The following SGPL1 variants were observed in gnomAD, a reference collection of about 807,000 sequenced individuals.
SGPL1 encodes sphingosine-1-phosphate lyase 1.
SGPL1 carries 37 observed loss-of-function variants against 68.9 expected under a neutral mutation model. That is an observed-to-expected ratio of 0.54 (90% CI 0.41 to 0.71). The LOEUF (loss-of-function observed/expected upper bound fraction) is 0.71, where lower values mean the gene tolerates loss of function less well. Among genes scored for constraint, SGPL1 ranks in the 30% least tolerant of loss-of-function variants. The pLI, the probability that SGPL1 is intolerant of heterozygous loss-of-function variation, is 0.00. For synonymous variants in SGPL1, 236 were observed against 248.5 expected (o/e 0.95, Z 0.47); for missense variants, 551 against 704.6 (o/e 0.78, Z 2.47).
intron 9 of SGPL1, 50 bp from the exon 10 acceptor site, chr10:70,870,998 G>T: frequency 6.7e-7 from 1 of 1,502,464 alleles, no homozygotes; most frequent in Non-Finnish European, 9.3e-7. Context: ...CAGAAGAGAA[G>T]AGTAATTGTG....
intron 9 of SGPL1, among the ~76,000 whole-genome samples, chr10:70,870,270 G>A (rs1422430970): frequency 6.6e-6 from 1 of 152,098 alleles, no homozygotes; most frequent in Non-Finnish European, 1.5e-5. Context: ...AGCCGAGGAG[G>A]GAGGATTACT....
At position 70,877,200 on chromosome 10, in the gene SGPL1, C is replaced by T. The variant is rs775790726; in HGVS notation, c.1572C>T (p.Ala524=). 1 of 1,614,136 alleles carries T rather than the reference C, an allele frequency of 6.2e-7. No homozygotes were observed. The highest frequency in any genetic ancestry group is 1.1e-5 in the South Asian group (1 of 91,058). ...CTCTTTCTTTGGATTTGTAGGGTGC[C>T]ATCTATGGCATGGCCCAGACAACTG... ...NPKAKTTGMG[A]IYGMAQTTVD... The change falls in exon 15 of 15, where the codon GCC becomes GCT. Residue 524 remains alanine, a synonymous_variant. Transcript: ENST00000373202.
At chr10:70,832,766 A>G (rs1038980911) in intron 2 of SGPL1, among the ~76,000 whole-genome samples, 2 of 152,162 alleles carry the variant, frequency 1.3e-5, no homozygotes, top group Middle Eastern at 3.4e-3. Flanking sequence ...AAATTTGCAT[A>G]TTTTTCCCCC....
At chr10:70,873,617 T>C (rs1053545332) in intron 12 of SGPL1, 28 bp downstream of exon 12, 2 of 1,541,774 alleles carry the variant, frequency 1.3e-6, no homozygotes, top group East Asian at 2.2e-5. Flanking sequence ...GGGTTCTGCC[T>C]TGTCTATTGC....
chr10:70,819,626 GC>G (rs1193496482), intron 2 of SGPL1, among the ~76,000 whole-genome samples: 45 of 139,214 alleles, frequency 3.2e-4, no homozygotes, highest in Non-Finnish European at 6.0e-4. Flanking sequence ...ATGGGATGCA[GC>G]TTTTTTTTTT....
chr10:70,828,103 T>C (rs1253956323), intron 2 of SGPL1, among the ~76,000 whole-genome samples: 1 of 152,232 alleles, frequency 6.6e-6, no homozygotes, highest in African/African-American at 2.4e-5. Flanking sequence ...TGAACATGTC[T>C]TGGTAAACAT....
At chr10:70,816,324 C>A (rs1303769743) in intron 1 of SGPL1, among the ~76,000 whole-genome samples, 198 bp downstream of exon 1, 6 of 104,862 alleles carry the variant, frequency 5.7e-5, no homozygotes, top group Non-Finnish European at 1.2e-4. Flanking sequence ...CGGGCGGGCG[C>A]GGGGCCGCGG....
At chr10:70,877,068 G>T in intron 14 of SGPL1, 127 bp from the exon 15 acceptor site, 1 of 828,308 alleles carries the variant, frequency 1.2e-6, no homozygotes, top group Non-Finnish European at 1.9e-6. Context: ...GGATGCCTTA[G>T]GTGGAAATGG....
At chr10:70,826,781 T>C (rs1845445428) in intron 2 of SGPL1, among the ~76,000 whole-genome samples, 1 of 152,196 alleles carries the variant, frequency 6.6e-6, no homozygotes, top group East Asian at 1.9e-4. Context: ...TGTAAATGGA[T>C]GCATATGTAT....
At chr10:70,847,644 A>G (rs537706149) in intron 3 of SGPL1, among the ~76,000 whole-genome samples, 1 of 152,320 alleles carries the variant, frequency 6.6e-6, no homozygotes, top group African/African-American at 2.4e-5. Context: ...AAAATCGTCA[A>G]ATGTTGACAA....
intron 4 of SGPL1, 25 bp downstream of exon 4, chr10:70,851,235 T>A: frequency 6.4e-7 from 1 of 1,557,008 alleles, no homozygotes; most frequent in Non-Finnish European, 8.9e-7. Context: ...TGTATGTCAT[T>A]TTTTCCCCTC....
intron 3 of SGPL1, among the ~76,000 whole-genome samples, chr10:70,850,305 G>A (rs1845858956): frequency 6.6e-6 from 1 of 152,164 alleles, no homozygotes; most frequent in Admixed American, 6.5e-5. Context: ...GTGAGCCACT[G>A]TGCCTGGCCA....
At chr10:70,869,243 C>T (rs1462174984) in intron 8 of SGPL1, 1 of 152,318 alleles carries the variant, frequency 6.6e-6, no homozygotes, top group East Asian at 1.9e-4. Flanking sequence ...ACCTCATTTT[C>T]TCTTTCAACA....
In SGPL1 at chr10:70,859,502, A is replaced by G. The variant is rs758808482; in HGVS notation, c.615+3A>G. The G allele has an allele frequency of 1.3e-6, 2 of 1,497,390 alleles. No individual in the cohort carries two copies. The highest frequency in any genetic ancestry group is 1.8e-6 in the Non-Finnish European group (2 of 1,117,842). The allele number at this position is 1,497,390 out of a possible 1,614,324, so 92.8% of individuals were successfully genotyped here. A position where few individuals can be genotyped will look rare whatever the true frequency, so the allele number is the denominator to read the frequency against. ...GGGGACCAGATTCGTGTGGATGTGTAAGTATATGCAAGGGGCATCCAATAG... is the reference window on the plus strand; with the variant it reads ...GGGGACCAGATTCGTGTGGATGTGTGAGTATATGCAAGGGGCATCCAATAG... On this transcript the variant is annotated splice_donor_region_variant and intron_variant, in intron 7 of 14. Coordinates refer to ENST00000373202, the MANE Select transcript of SGPL1 (RefSeq NM_003901.4).
chr10:70,845,987 C>T (rs1845786364), intron 3 of SGPL1, among the ~76,000 whole-genome samples: 1 of 152,188 alleles, frequency 6.6e-6, no homozygotes, highest in Non-Finnish European at 1.5e-5. Flanking sequence ...ATTTTTATCT[C>T]TTTACCCTGC....
At chr10:70,835,024 CT>C (rs1845601911) in intron 2 of SGPL1, among the ~76,000 whole-genome samples, 1 of 66,130 alleles carries the variant, frequency 1.5e-5, no homozygotes, top group Non-Finnish European at 3.6e-5. Context: ...ACCAGCCATT[CT>C]CCTCTGCAGA....
At chr10:70,866,732 G>C (rs1025815248) in intron 7 of SGPL1, 1 of 152,192 alleles carries the variant, frequency 6.6e-6, no homozygotes, top group Non-Finnish European at 1.5e-5. Context: ...CTGCAGCGTA[G>C]AAATGTAGTG....
chr10:70,818,191 G>A (rs1333155040), intron 2 of SGPL1, among the ~76,000 whole-genome samples: 3 of 152,186 alleles, frequency 2.0e-5, no homozygotes, highest in African/African-American at 7.2e-5. Context: ...CACAATCTCA[G>A]CTCATTGCAA....
At chr10:70,833,669 G>C (rs1329746154) in intron 2 of SGPL1, among the ~76,000 whole-genome samples, 1 of 152,128 alleles carries the variant, frequency 6.6e-6, no homozygotes, top group East Asian at 1.9e-4. Flanking sequence ...TTTTTGGTGG[G>C]GGGGCAGAAG....
Sources: gnomAD v4.1 joint callset for allele counts (sites outside exome capture counted in the v4.1 genomes callset) on GRCh38, gnomAD v4.1.1 for gene constraint, MANE v1.5 for transcripts, NCBI Gene and HGNC (gene_info 2026-07-23, HGNC 2026-07-21) for gene names.